Variants in CXCR6 observed in about 807,000 individuals in gnomAD.
The protein encoded by CXCR6 is C-X-C motif chemokine receptor 6, also known as C-X-C chemokine receptor type 6.
In CXCR6, 3 loss-of-function variants were observed where a neutral mutation model predicts 1.6. The observed-to-expected ratio is 1.83, with a 90% CI of 0.83 to 4.72. The LOEUF is 4.72. Ranked by LOEUF, CXCR6 falls within the 30% of genes most tolerant of loss-of-function variation. The pLI is 0.02. For missense variants in CXCR6, 326 were observed against 414.8 expected (o/e 0.79, Z 1.86); for synonymous variants, 171 against 159.2 (o/e 1.07, Z -0.56).
upstream of CXCR6, among the ~76,000 whole-genome samples, chr3:45,942,880 C>T (rs191811571): frequency 8.5e-5 from 13 of 152,304 alleles, no homozygotes; most frequent in East Asian, 2.3e-3. Context: ...GCACCAGGCC[C>T]TCTGGCAGAC....
At chr3:45,945,412 A>G (rs1028068486) in intron 1 of CXCR6, 2 of 152,174 alleles carry the variant, frequency 1.3e-5, no homozygotes, top group African/African-American at 2.4e-5. Flanking sequence ...CTGCTCCCAC[A>G]CCACAGGTTA....
rs995020708 is a variant in CXCR6, at chr3:45,943,976, A to T, written c.-22+436A>T. Among the ~76,000 whole-genome samples the T allele has an allele frequency of 4.6e-5, 7 of 152,170 alleles. No homozygotes were observed. The South Asian group carries it at 8.3e-4, about 18-fold the overall frequency. The stretch of plus-strand genomic sequence containing the variant: ...CTGTAGAAACTTTGAAAACTATTTT[A>T]AAAAAAGGAAGAAATAAGTCACCCA... On this transcript the variant is annotated intron_variant, in intron 1 of 1. Coordinates refer to ENST00000304552, the MANE Select transcript of CXCR6 (RefSeq NM_006564.2).
upstream of CXCR6, among the ~76,000 whole-genome samples, chr3:45,942,109 T>C (rs1222457184): frequency 6.6e-6 from 1 of 152,222 alleles, no homozygotes; most frequent in East Asian, 1.9e-4. Flanking sequence ...TCTGAACGAA[T>C]TCATTCAAAA....
At chr3:45,945,062 G>A (rs1704498112) in intron 1 of CXCR6, 1 of 152,162 alleles carries the variant, frequency 6.6e-6, no homozygotes, top group Non-Finnish European at 1.5e-5. Flanking sequence ...ATCCTTCCTT[G>A]CTAGAGAGAA....
chr3:45,942,001 AC>A (rs1704252042), upstream of CXCR6, among the ~76,000 whole-genome samples: 1 of 152,232 alleles, frequency 6.6e-6, no homozygotes, highest in Admixed American at 6.5e-5. Flanking sequence ...ACCATTCCCT[AC>A]ATCCATCTGT....
chr3:45,946,825 C>G lies in CXCR6; in HGVS notation c.344C>G (p.Thr115Arg), dbSNP rs772191367. The G allele has an allele frequency of 2.5e-6, 4 of 1,614,082 alleles. No individual in the cohort carries two copies. The highest frequency in any genetic ancestry group is 3.4e-6 in the Non-Finnish European group (4 of 1,180,036). The part of the protein sequence containing the change: ...LLGIYTINFY[T>R]SMLILTCITV... ...GGCATCTACACTATTAACTTCTACA[C>G]GTCCATGCTCATCCTCACCTGCATC... Residue 115 changes from threonine (T) to arginine (R), a missense_variant, in exon 2 of 2, where the codon ACG becomes AGG. Physicochemically the swap from Thr to Arg is moderately conservative, Grantham distance 71. Coordinates refer to ENST00000304552, the MANE Select transcript of CXCR6 (RefSeq NM_006564.2).
Position 45,946,849 on chromosome 3 carries a change from T to A in CXCR6, c.368T>A (p.Ile123Asn). 1 of 1,614,230 alleles carries A rather than the reference T, an allele frequency of 6.2e-7. No individual in the cohort carries two copies. The highest frequency in any genetic ancestry group is 8.5e-7 in the Non-Finnish European group (1 of 1,180,038). Reference sequence around the variant, plus strand: ...ACGTCCATGCTCATCCTCACCTGCATCACTGTGGATCGTTTCATTGTAGTG... The same window carrying A: ...ACGTCCATGCTCATCCTCACCTGCAACACTGTGGATCGTTTCATTGTAGTG... ...FYTSMLILTC[I>N]TVDRFIVVVK... The change falls in exon 2 of 2, where the codon ATC becomes AAC. Residue 123 changes from isoleucine (I) to asparagine (N), a missense_variant. Physicochemically the swap from Ile to Asn is moderately radical, Grantham distance 149. Transcript: ENST00000304552.
chr3:45,947,522 G>C lies in CXCR6; in HGVS notation c.*12G>C. ...TGTTCCAGTTATAGGCCTTGCCAGG[G>C]TTTCGAGAAGCTGCTCTGGAATTTG... On this transcript the variant is annotated 3_prime_UTR_variant, in exon 2 of 2. Transcript: ENST00000304552. The C allele has an allele frequency of 6.2e-7, 1 of 1,604,698 alleles. No individual in the cohort carries two copies. The highest frequency in any genetic ancestry group is 8.5e-7 in the Non-Finnish European group (1 of 1,172,450).
chr3:45,946,713 C>T lies in CXCR6; in HGVS notation c.232C>T (p.Leu78=). ...CCTGGTGAACCTACCCCTGGCTGAC[C>T]TGGTGTTTGTCTGCACTCTGCCCTT... ...VFLVNLPLAD[L]VFVCTLPFWA... is the part of the protein sequence containing the mutation. Residue 78 remains leucine, a synonymous_variant, in exon 2 of 2, where the codon CTG becomes TTG. Coordinates refer to ENST00000304552, the MANE Select transcript of CXCR6 (RefSeq NM_006564.2). 6.2e-7 allele frequency: 1 copy of T among 1,614,236 alleles called. No homozygotes were observed. The highest frequency in any genetic ancestry group is 2.2e-5 in the East Asian group (1 of 44,892).
At chr3:45,946,403 G>A (rs1013200345) in intron 1 of CXCR6, 58 bp from the exon 2 acceptor site, 17 of 1,301,910 alleles carry the variant, frequency 1.3e-5, no homozygotes, top group Middle Eastern at 2.0e-4. Context: ...TGGGATAGCA[G>A]GAAGACAAAG....
chr3:45,943,141 C>A (rs2125816336), upstream of CXCR6, among the ~76,000 whole-genome samples: 2 of 152,328 alleles, frequency 1.3e-5, no homozygotes, highest in South Asian at 4.1e-4. Context: ...CAGACCCTAA[C>A]TGTTCCAAAA....
chr3:45,942,389 G>C (rs960736966), upstream of CXCR6, among the ~76,000 whole-genome samples: 1 of 152,220 alleles, frequency 6.6e-6, no homozygotes, highest in Non-Finnish European at 1.5e-5. Flanking sequence ...GGATCCTGAG[G>C]CTGCTCCTGG....
At chr3:45,945,581 C>G (rs956362974) in intron 1 of CXCR6, 3 of 152,194 alleles carry the variant, frequency 2.0e-5, no homozygotes, top group African/African-American at 7.2e-5. Context: ...AATGAGGCCC[C>G]TAAGTCCTAA....
rs1449066120 is a variant in CXCR6 at position 45,946,649 on chromosome 3, C to T, written c.168C>T (p.Ser56=). The T allele has an allele frequency of 6.2e-7, 1 of 1,614,210 alleles. No individual in the cohort carries two copies. The highest frequency in any genetic ancestry group is 1.7e-5 in the Admixed American group (1 of 60,028). The change falls in exon 2 of 2, where the codon TCC becomes TCT. Residue 56 remains serine (S), a synonymous_variant. Coordinates refer to ENST00000304552, the MANE Select transcript of CXCR6 (RefSeq NM_006564.2). ...GGAACTCTCTGGTGCTGGTCATATCCATCTTCTACCATAAGTTGCAGAGCC... is the reference window on the plus strand; with the variant it reads ...GGAACTCTCTGGTGCTGGTCATATCTATCTTCTACCATAAGTTGCAGAGCC... The part of the protein sequence containing the change: ...LVGNSLVLVI[S]IFYHKLQSLT...
chr3:45,946,318 A>G lies in CXCR6; in HGVS notation c.-21-143A>G, dbSNP rs573377655. The G allele has an allele frequency of 3.7e-5, 23 of 620,204 alleles. No homozygotes were observed. The South Asian group carries it at 3.7e-4, about 10-fold the overall frequency. 38.4% of individuals were successfully genotyped at this position (620,204 alleles called of 1,614,324 possible). ...CCTCAGAATTGGTTATCTTCAATAT[A>G]CTGGACTGTGCTGTTTCTACACATC... On this transcript the variant is annotated intron_variant, in intron 1 of 1. Transcript: ENST00000304552.
Position 45,947,564 on chromosome 3 carries a change from C to A in CXCR6, c.*54C>A. 1 of 1,371,376 alleles carries A rather than the reference C, an allele frequency of 7.3e-7. No individual in the cohort carries two copies. Among genetic ancestry groups the A allele is most frequent in the Non-Finnish European group, 1.0e-6 (1 of 972,564 alleles). 85.0% of individuals were successfully genotyped at this position (1,371,376 alleles called of 1,614,324 possible). A position where few individuals can be genotyped will look rare whatever the true frequency, so the allele number is the denominator to read the frequency against. ...TGGAATTTGCAAGTCATGGCTGTGC[C>A]CTCTTGATGTGGTGAGGCAGGCTTT... On this transcript the variant is annotated 3_prime_UTR_variant, in exon 2 of 2. Coordinates refer to ENST00000304552, the MANE Select transcript of CXCR6 (RefSeq NM_006564.2).
chr3:45,947,095 T>C lies in CXCR6; in HGVS notation c.614T>C (p.Leu205Pro). The C allele has an allele frequency of 6.2e-7, 1 of 1,614,260 alleles. No homozygotes were observed. The highest frequency in any genetic ancestry group is 1.1e-5 in the South Asian group (1 of 91,088). The change falls in exon 2 of 2, where the codon CTC (leucine) becomes CCC (proline). Residue 205 changes from leucine to proline, a missense_variant. By Grantham distance (98) the Leu-to-Pro change is moderately conservative (BLOSUM62 -3). Transcript: ENST00000304552. ...ACACTGGGGTTCTTCTTGCCACTGC[T>C]CACCATGATTGTCTGCTATTCAGTC... ...QMTLGFFLPL[L>P]TMIVCYSVII...
chr3:45,941,274 A>G (rs1229663660), upstream of CXCR6: 2 of 152,230 alleles, frequency 1.3e-5, no homozygotes, highest in Non-Finnish European at 2.9e-5. Context: ...CCTGGAACTG[A>G]TAACAGCTCT....
In CXCR6 at chr3:45,948,121, G is replaced by A. The variant is rs1411840722; in HGVS notation, c.*611G>A. 2 of 167,344 alleles carry A rather than the reference G, an allele frequency of 1.2e-5. No individual in the cohort carries two copies. Among genetic ancestry groups the A allele is most frequent in the Admixed American group, 6.5e-5 (1 of 15,306 alleles). The allele number at this position is 167,344 out of a possible 1,614,324, so 10.4% of individuals were successfully genotyped here. A position where few individuals can be genotyped will look rare whatever the true frequency, so the allele number is the denominator to read the frequency against. ...TTATAAGAGGCTGATAATTCCAGTGGTCCATGGAATGCTTGAAAAATGTGC... is the reference window on the plus strand; with the variant it reads ...TTATAAGAGGCTGATAATTCCAGTGATCCATGGAATGCTTGAAAAATGTGC... On this transcript the variant is annotated 3_prime_UTR_variant, in exon 2 of 2. Coordinates refer to ENST00000304552, the MANE Select transcript of CXCR6 (RefSeq NM_006564.2).
Sources: allele counts gnomAD v4.1 joint callset (sites outside exome capture counted in the v4.1 genomes callset), GRCh38; gene constraint gnomAD v4.1.1; transcripts MANE v1.5; gene names NCBI Gene and HGNC (gene_info 2026-07-23, HGNC 2026-07-21).